The following SOX6 variants were observed in gnomAD, a reference collection of about 807,000 sequenced individuals.
SOX6 encodes SRY-box transcription factor 6.
Under a neutral mutation model 97.8 loss-of-function variants are expected in SOX6, and 11 were observed. The ratio of observed to expected loss-of-function variants is 0.11; its 90% CI spans 0.07 to 0.19. The LOEUF (loss-of-function observed/expected upper bound fraction) is 0.19, where lower values mean the gene tolerates loss of function less well. Ranked by LOEUF, SOX6 falls within the 10% of genes least tolerant of loss-of-function variation. SOX6 has a pLI of 1.00. For synonymous variants in SOX6, 360 were observed against 371.4 expected (o/e 0.97, Z 0.35); for missense variants, 810 against 1,039.5 (o/e 0.78, Z 3.04).
intron 6 of SOX6, among the ~76,000 whole-genome samples, chr11:16,176,070 C>CGGACGGATGGAT (rs1280678561): frequency 9.4e-5 from 14 of 148,422 alleles, no homozygotes; most frequent in African/African-American, 3.5e-4. Context: ...GACGGACGGA[C>CGGACGGATGGAT]GGATGGATGG....
At chr11:16,678,961 G>T (rs891626258) in intron 3 of SOX6, among the ~76,000 whole-genome samples, 1 of 152,234 alleles carries the variant, frequency 6.6e-6, no homozygotes, top group Non-Finnish European at 1.5e-5. Flanking sequence ...CAGCCAGGAA[G>T]CTCGAACTGG....
In SOX6 at chr11:16,105,440, T is replaced by C. The variant is rs1232458496; in HGVS notation, c.898+6363A>G. Among the ~76,000 whole-genome samples the C allele has an allele frequency of 2.0e-5, 3 of 152,074 alleles. No homozygotes were observed. The East Asian group carries it at 5.8e-4, about 29-fold the overall frequency. ...ACAGCTGGCCAAGTGTGGTGGCACG[T>C]GCCTATAGTCCCAGCTACTTGGGAG... On this transcript the variant is annotated intron_variant, in intron 7 of 15. Transcript: ENST00000683767.
At chr11:16,173,570 A>G (rs1320955580) in intron 6 of SOX6, among the ~76,000 whole-genome samples, 1 of 147,942 alleles carries the variant, frequency 6.8e-6, no homozygotes, top group African/African-American at 2.5e-5. Flanking sequence ...TTGGGTTTTT[A>G]GTTTTTTTGT....
chr11:16,568,659 A>G (rs1305801219), intron 4 of SOX6, among the ~76,000 whole-genome samples: 1 of 152,196 alleles, frequency 6.6e-6, no homozygotes, highest in East Asian at 1.9e-4. Context: ...GCAATGAAGT[A>G]AGCAATAAAA....
chr11:16,522,800 T>C (rs1054380063), intron 4 of SOX6, among the ~76,000 whole-genome samples: 5 of 151,716 alleles, frequency 3.3e-5, no homozygotes, highest in Admixed American at 2.6e-4. Flanking sequence ...ACCAAGCAAA[T>C]GGAAAGCAAA....
intron 4 of SOX6, among the ~76,000 whole-genome samples, chr11:16,556,366 C>T (rs1418535909): frequency 6.6e-6 from 1 of 151,702 alleles, no homozygotes; most frequent in Non-Finnish European, 1.5e-5. Flanking sequence ...ACCAGCAATG[C>T]TAATCTAACT....
At chr11:16,317,678 A>G (rs936917631) in intron 3 of SOX6, 15 of 153,352 alleles carry the variant, frequency 9.8e-5, no homozygotes, top group Non-Finnish European at 2.9e-5. Flanking sequence ...TGTCTATAGT[A>G]AAAAACAAAA....
At chr11:16,417,647 T>C (rs901021751) in intron 1 of SOX6, among the ~76,000 whole-genome samples, 3 of 152,214 alleles carry the variant, frequency 2.0e-5, no homozygotes, top group African/African-American at 7.2e-5. Context: ...AGTTTGAGAA[T>C]AGGCTTCTAA....
intron 2 of SOX6, among the ~76,000 whole-genome samples, chr11:16,328,877 A>G (rs1403591164): frequency 6.6e-6 from 1 of 152,168 alleles, no homozygotes; most frequent in Non-Finnish European, 1.5e-5. Flanking sequence ...AATGTGACAT[A>G]CTGTAAAGAA....
At chr11:16,483,304 G>A (rs1264254287) in intron 4 of SOX6, among the ~76,000 whole-genome samples, 3 of 151,992 alleles carry the variant, frequency 2.0e-5, no homozygotes, top group African/African-American at 7.2e-5. Context: ...CTTGTGGGTG[G>A]AAATTACAAA....
intron 3 of SOX6, among the ~76,000 whole-genome samples, chr11:16,640,976 T>C (rs543598601): frequency 1.1e-4 from 17 of 152,316 alleles, no homozygotes; most frequent in African/African-American, 2.2e-4. Flanking sequence ...TGTTCTTGCT[T>C]CTCTAGTTCT....
chr11:16,387,325 C>T (rs1028005701), intron 1 of SOX6, among the ~76,000 whole-genome samples: 2 of 151,844 alleles, frequency 1.3e-5, no homozygotes, highest in African/African-American at 4.8e-5. Flanking sequence ...GGCATTGAAA[C>T]CACTATTCAA....
intron 10 of SOX6, among the ~76,000 whole-genome samples, chr11:16,053,843 T>G (rs1312208472): frequency 6.6e-6 from 1 of 152,172 alleles, no homozygotes. Flanking sequence ...GAGATTTTGG[T>G]AACCACAGTT....
chr11:16,162,600 C>A (rs940533936), intron 6 of SOX6, among the ~76,000 whole-genome samples: 1 of 152,142 alleles, frequency 6.6e-6, no homozygotes, highest in African/African-American at 2.4e-5. Context: ...CTTTGACTTC[C>A]GTCATGATTG....
intron 3 of SOX6, among the ~76,000 whole-genome samples, chr11:16,666,297 G>T (rs1258851451): frequency 1.3e-5 from 2 of 152,192 alleles, no homozygotes; most frequent in Non-Finnish European, 2.9e-5. Flanking sequence ...ATAGCTGTTT[G>T]AGGAAACTCA....
chr11:16,106,694 A>G (rs1440539952), intron 7 of SOX6, among the ~76,000 whole-genome samples: 1 of 152,092 alleles, frequency 6.6e-6, no homozygotes, highest in African/African-American at 2.4e-5. Flanking sequence ...CAATGATTTC[A>G]TTGATATAAC....
Position 16,067,997 on chromosome 11 carries a change from G to A in SOX6, c.1102-12096C>T, listed in dbSNP as rs77617625. 2.1e-4 allele frequency among the ~76,000 whole-genome samples: 32 copies of A among 151,962 alleles called. No homozygotes were observed. The East Asian group carries it at 4.4e-3, about 21-fold the overall frequency. On this transcript the variant is annotated intron_variant, in intron 9 of 15. Transcript: ENST00000683767. ...ATTTGCTATAGTTCCACAAAATATC[G>A]GGGAACCCCAGGCCTAGCCAAGTTA... is the stretch of plus-strand genomic sequence containing the variant.
intron 2 of SOX6, among the ~76,000 whole-genome samples, chr11:16,731,647 T>C (rs1848351039): frequency 6.6e-6 from 1 of 152,188 alleles, no homozygotes; most frequent in Non-Finnish European, 1.5e-5. Context: ...TCATACTGAA[T>C]GGGCAAAAAC....
chr11:16,245,857 G>T lies in SOX6; in HGVS notation c.446-11186C>A, dbSNP rs149580070. 6.0e-4 allele frequency among the ~76,000 whole-genome samples: 90 copies of T among 151,150 alleles called. 2 individuals carry two copies. The East Asian group carries it at 0.018, about 29-fold the overall frequency. On this transcript the variant is annotated intron_variant, in intron 3 of 15. Coordinates refer to ENST00000683767, the MANE Select transcript of SOX6 (RefSeq NM_001367873.1). Reference sequence around the variant, plus strand: ...CTCTTGTAGTTAGCATATTAATTGGGTCTTGTTTTTTGTTAATCCAATCTG... The same window carrying T: ...CTCTTGTAGTTAGCATATTAATTGGTTCTTGTTTTTTGTTAATCCAATCTG...
Sources: gnomAD v4.1 joint callset for allele counts (sites outside exome capture counted in the v4.1 genomes callset) on GRCh38, gnomAD v4.1.1 for gene constraint, MANE v1.5 for transcripts, NCBI Gene and HGNC (gene_info 2026-07-23, HGNC 2026-07-21) for gene names.